GULP1: variants seen among roughly 807,000 people sequenced by gnomAD.
GULP1 encodes the protein GULP PTB domain containing engulfment adaptor 1.
Under a neutral mutation model 40.9 loss-of-function variants are expected in GULP1, and 19 were observed. The ratio of observed to expected loss-of-function variants is 0.46; its 90% CI spans 0.32 to 0.68. The LOEUF is 0.68. GULP1 is among the 30% of genes least tolerant of loss of function. The probability of loss-of-function intolerance (pLI) is 0.03; values close to 1 mark genes in which losing one functional copy is unlikely to be tolerated. For missense variants in GULP1, 312 were observed against 362.2 expected, an observed-to-expected ratio of 0.86 and a Z score of 1.12; for synonymous variants, 119 against 117.6, an observed-to-expected ratio of 1.01 and a Z score of -0.08.
chr2:188,387,123 T>C (rs1210647260), intron 2 of GULP1, among the ~76,000 whole-genome samples: 2 of 151,728 alleles, frequency 1.3e-5, no homozygotes, highest in Non-Finnish European at 2.9e-5. Flanking sequence ...GTAATCCCAG[T>C]TACTTGAGAG....
intron 2 of GULP1, among the ~76,000 whole-genome samples, chr2:188,411,889 G>A (rs941852311): frequency 1.3e-5 from 2 of 152,178 alleles, no homozygotes; most frequent in African/African-American, 4.8e-5. Context: ...CTCTAGTGCT[G>A]CAGCTGTCCA....
intron 4 of GULP1, chr2:188,491,631 G>A (rs748991931): frequency 6.6e-6 from 1 of 152,062 alleles, no homozygotes; most frequent in South Asian, 2.1e-4. Context: ...TTCACTCTTT[G>A]TCATTTCATT....
In GULP1 at chr2:188,569,369, G is replaced by A; in HGVS notation, c.516+14G>A. 1 of 1,226,520 alleles carries A rather than the reference G, an allele frequency of 8.2e-7. No individual in the cohort carries two copies. Among genetic ancestry groups the A allele is most frequent in the Non-Finnish European group, 1.2e-6 (1 of 826,432 alleles). The allele number at this position is 1,226,520 out of a possible 1,614,324, so 76.0% of individuals were successfully genotyped here. On this transcript the variant is annotated intron_variant, in intron 8 of 11. Coordinates refer to ENST00000409830, the MANE Select transcript of GULP1 (RefSeq NM_016315.4). ...TTACAAAAAAGAGTGAGTAAACTAAGCTTGTTGTTTTACATTTGTGTGATG... is the reference window on the plus strand; with the variant it reads ...TTACAAAAAAGAGTGAGTAAACTAAACTTGTTGTTTTACATTTGTGTGATG...
At chr2:188,553,157 C>T (rs1262426372) in intron 7 of GULP1, among the ~76,000 whole-genome samples, 2 of 151,704 alleles carry the variant, frequency 1.3e-5, no homozygotes, top group Non-Finnish European at 2.9e-5. Flanking sequence ...TCCTGTTTTC[C>T]AATTTGGATG....
intron 1 of GULP1, among the ~76,000 whole-genome samples, chr2:188,299,838 G>A (rs1057400727): frequency 6.6e-5 from 10 of 152,184 alleles, no homozygotes; most frequent in African/African-American, 2.2e-4. Flanking sequence ...ATGAGGATGA[G>A]TTGGGCAGGC....
chr2:188,339,157 G>A (rs1045206617), intron 1 of GULP1, among the ~76,000 whole-genome samples: 1 of 152,108 alleles, frequency 6.6e-6, no homozygotes, highest in African/African-American at 2.4e-5. Context: ...TTGTTTAAAG[G>A]CCAGTTTTCT....
intron 4 of GULP1, among the ~76,000 whole-genome samples, chr2:188,498,634 C>T (rs1304817628): frequency 1.3e-5 from 2 of 151,752 alleles, no homozygotes; most frequent in African/African-American, 2.4e-5. Context: ...GATGTTCTCT[C>T]AATTAAGAAA....
rs545464155 is a variant in GULP1, at chr2:188,425,023, T to G, written c.-45+41134T>G. Reference sequence around the variant, plus strand: ...TTGGCTTGTTTCTTTTTTTCGATATTAGTACCAACTGATGCTCAATGACTT... The same window carrying G: ...TTGGCTTGTTTCTTTTTTTCGATATGAGTACCAACTGATGCTCAATGACTT... On this transcript the variant is annotated intron_variant, in intron 2 of 11. Transcript: ENST00000409830. 7.9e-5 allele frequency among the ~76,000 whole-genome samples: 12 copies of G among 152,158 alleles called. No homozygotes were observed. In the South Asian group the frequency reaches 2.3e-3, roughly 29 times the overall value.
chr2:188,545,492 A>C (rs1272052339), intron 7 of GULP1, among the ~76,000 whole-genome samples: 1 of 151,970 alleles, frequency 6.6e-6, no homozygotes, highest in African/African-American at 2.4e-5. Context: ...TCTACACCTC[A>C]CATGAACTGG....
At chr2:188,314,200 A>C (rs1299021863) in intron 1 of GULP1, among the ~76,000 whole-genome samples, 3 of 152,044 alleles carry the variant, frequency 2.0e-5, no homozygotes, top group African/African-American at 7.2e-5. Flanking sequence ...TAATCTGTCT[A>C]TATAAAATGG....
At chr2:188,431,906 A>G (rs1002266145) in intron 2 of GULP1, among the ~76,000 whole-genome samples, 12 of 151,860 alleles carry the variant, frequency 7.9e-5, no homozygotes, top group Non-Finnish European at 1.5e-4. Context: ...TGTTTCATAA[A>G]TAATATTGAA....
chr2:188,378,279 A>AG (rs1491555955), intron 1 of GULP1, among the ~76,000 whole-genome samples: 1 of 80,354 alleles, frequency 1.2e-5, no homozygotes, highest in Admixed American at 1.1e-4. Context: ...CTCTATATAG[A>AG]AAAAAAAAAA....
chr2:188,529,926 A>G (rs1214914432), intron 6 of GULP1, among the ~76,000 whole-genome samples: 1 of 152,192 alleles, frequency 6.6e-6, no homozygotes, highest in Non-Finnish European at 1.5e-5. Context: ...ATAATGATTC[A>G]TGAATCAGGC....
intron 7 of GULP1, among the ~76,000 whole-genome samples, chr2:188,543,361 C>T (rs144979166): frequency 3.7e-4 from 57 of 152,124 alleles, no homozygotes; most frequent in Middle Eastern, 3.4e-3. Context: ...GATTCTGCTG[C>T]AGGTAGAGGA....
At chr2:188,497,128 GTAAT>G (rs970719880) in intron 4 of GULP1, among the ~76,000 whole-genome samples, 7 of 151,964 alleles carry the variant, frequency 4.6e-5, no homozygotes, top group African/African-American at 1.7e-4. Context: ...TTTTGAAAAA[GTAAT>G]TAAGATGAAG....
chr2:188,370,770 C>T (rs2047494571), intron 1 of GULP1, among the ~76,000 whole-genome samples: 3 of 152,082 alleles, frequency 2.0e-5, no homozygotes, highest in Non-Finnish European at 4.4e-5. Context: ...TAACATTGGC[C>T]AAAAGCACAG....
At chr2:188,350,403 G>T (rs540746031) in intron 1 of GULP1, among the ~76,000 whole-genome samples, 1 of 151,836 alleles carries the variant, frequency 6.6e-6, no homozygotes, top group African/African-American at 2.4e-5. Flanking sequence ...AACACATTTC[G>T]CACTTTTTTG....
At chr2:188,513,130 T>G (rs1224892705) in intron 4 of GULP1, among the ~76,000 whole-genome samples, 1 of 152,122 alleles carries the variant, frequency 6.6e-6, no homozygotes, top group Non-Finnish European at 1.5e-5. Context: ...ATCTATAGTA[T>G]CAGAAACTTG....
At chr2:188,514,040 A>AGTGTGTGTGGGT (rs2064903086) in intron 4 of GULP1, among the ~76,000 whole-genome samples, 1 of 122,998 alleles carries the variant, frequency 8.1e-6, no homozygotes, top group Non-Finnish European at 1.7e-5. Flanking sequence ...TCCCCTTCTG[A>AGTGTGTGTGGGT]GTGTGTGTGT....
Sources: allele counts gnomAD v4.1 joint callset (sites outside exome capture counted in the v4.1 genomes callset), GRCh38; gene constraint gnomAD v4.1.1; transcripts MANE v1.5; gene names NCBI Gene and HGNC (gene_info 2026-07-23, HGNC 2026-07-21).